The following SPAG17 variants were observed in gnomAD, a reference collection of about 807,000 sequenced individuals.
The protein encoded by SPAG17 is sperm-associated antigen 17.
SPAG17 carries 169 observed loss-of-function variants against 273.6 expected under a neutral mutation model. The ratio of observed to expected loss-of-function variants is 0.62; its 90% CI spans 0.55 to 0.70. The LOEUF is 0.70. Among genes scored for constraint, SPAG17 ranks in the 30% least tolerant of loss-of-function variants. The pLI is 0.00. For synonymous variants in SPAG17, 825 were observed against 873.2 expected, an observed-to-expected ratio of 0.94 and a Z score of 0.97; for missense variants, 2,557 against 2,627.8, an observed-to-expected ratio of 0.97 and a Z score of 0.59.
chr1:117,995,666 T>C (rs979914922), intron 34 of SPAG17, among the ~76,000 whole-genome samples: 5 of 150,342 alleles, frequency 3.3e-5, no homozygotes, highest in Non-Finnish European at 7.4e-5. Flanking sequence ...ACACAAAATG[T>C]ATCCCAAAAC....
At chr1:118,041,742 A>G in intron 21 of SPAG17, 61 bp downstream of exon 21, 1 of 1,557,126 alleles carries the variant, frequency 6.4e-7, no homozygotes. Flanking sequence ...TAATAACCGT[A>G]TTTTCCCAAA....
At chr1:117,954,782 TG>T (rs1651922210) in intron 48 of SPAG17, among the ~76,000 whole-genome samples, 1 of 152,170 alleles carries the variant, frequency 6.6e-6, no homozygotes, top group African/African-American at 2.4e-5. Context: ...TAGGATATTT[TG>T]TATTTCAAAA....
At chr1:118,093,124 C>A (rs1437955557) in intron 8 of SPAG17, 32 bp downstream of exon 8, 1 of 1,576,856 alleles carries the variant, frequency 6.3e-7, no homozygotes, top group South Asian at 1.2e-5. Context: ...GTGAATCATT[C>A]ATCCCACTAA....
intron 10 of SPAG17, among the ~76,000 whole-genome samples, chr1:118,089,073 T>C (rs1238550001): frequency 6.6e-6 from 1 of 151,976 alleles, no homozygotes; most frequent in Non-Finnish European, 1.5e-5. Context: ...AAGAAAAAAA[T>C]AGCTGATCAA....
At chr1:118,130,554 G>A (rs1007410952) in intron 3 of SPAG17, among the ~76,000 whole-genome samples, 2 of 152,074 alleles carry the variant, frequency 1.3e-5, no homozygotes, top group Non-Finnish European at 2.9e-5. Context: ...AGTTCAAGGG[G>A]AGCCATCTCA....
At position 118,051,970 on chromosome 1, in the gene SPAG17, A is replaced by C. The variant is rs1187519606; in HGVS notation, c.2814+2032T>G. ...TGTATACATATATTACATTATGTAC[A>C]TACTACATTATGTATTATGTATGTA... On this transcript the variant is annotated intron_variant, in intron 20 of 48. Transcript: ENST00000336338. 1.4e-5 allele frequency among the ~76,000 whole-genome samples: 2 copies of C among 137,942 alleles called. 1 individual carries two copies. Among genetic ancestry groups the C allele is most frequent in the African/African-American group, 5.3e-5 (2 of 37,802 alleles). 90.5% of individuals were successfully genotyped at this position (137,942 alleles called of 152,430 possible). A position where few individuals can be genotyped will look rare whatever the true frequency, so the allele number is the denominator to read the frequency against.
rs764612137 is a variant in SPAG17 at position 118,073,973 on chromosome 1, A to T, written c.2272-6T>A. The T allele has an allele frequency of 6.5e-7, 1 of 1,535,390 alleles. No individual in the cohort carries two copies. The highest frequency in any genetic ancestry group is 2.5e-5 in the East Asian group (1 of 40,634). ...ACCATCATCTTCTTGGGTTTCTAAAATATCATAGGAACACAATTTCAGCTT... is the reference window on the plus strand; with the variant it reads ...ACCATCATCTTCTTGGGTTTCTAAATTATCATAGGAACACAATTTCAGCTT... On this transcript the variant is annotated splice_polypyrimidine_tract_variant and splice_region_variant and intron_variant, in intron 16 of 48. Transcript: ENST00000336338.
rs1364080018 is a variant in SPAG17 at position 117,985,773 on chromosome 1, G to A, written c.5670-991C>T. Among the ~76,000 whole-genome samples, 17 of 152,090 alleles carry A rather than the reference G, an allele frequency of 1.1e-4. No individual in the cohort carries two copies. The East Asian group carries it at 3.3e-3, about 29-fold the overall frequency. On this transcript the variant is annotated intron_variant, in intron 40 of 48. Coordinates refer to ENST00000336338, the MANE Select transcript of SPAG17 (RefSeq NM_206996.4). ...TTACATTTAATCTTACAATAACCCTGTGAGTTACTATTTTTATCCTCACTT... is the reference window on the plus strand; with the variant it reads ...TTACATTTAATCTTACAATAACCCTATGAGTTACTATTTTTATCCTCACTT...
intron 18 of SPAG17, among the ~76,000 whole-genome samples, chr1:118,056,642 A>T (rs182610968): frequency 3.3e-4 from 51 of 152,326 alleles, no homozygotes; most frequent in African/African-American, 1.2e-3. Context: ...AAAATTGGTT[A>T]TTGTCAAATT....
At chr1:118,132,680 C>A (rs1658118086) in intron 3 of SPAG17, among the ~76,000 whole-genome samples, 1 of 152,218 alleles carries the variant, frequency 6.6e-6, no homozygotes, top group Non-Finnish European at 1.5e-5. Context: ...TAGACAGAGG[C>A]TGTAAGACAA....
At position 118,126,246 on chromosome 1, in the gene SPAG17, C is replaced by T. The variant is rs1174405044; in HGVS notation, c.316-10805G>A. ...TTTGAGACAGAGTCTCGCTCTGTTG[C>T]CCAGGCTGGAGTGCAGTGGCGCGAT... On this transcript the variant is annotated intron_variant, in intron 3 of 48. Transcript: ENST00000336338. Among the ~76,000 whole-genome samples, 3 of 135,834 alleles carry T rather than the reference C, an allele frequency of 2.2e-5. No individual in the cohort carries two copies. The East Asian group carries it at 6.4e-4, about 29-fold the overall frequency. The allele number at this position is 135,834 out of a possible 152,430, so 89.1% of individuals were successfully genotyped here.
At chr1:117,955,266 TA>T in intron 48 of SPAG17, 1 of 1,537,046 alleles carries the variant, frequency 6.5e-7, no homozygotes, top group Non-Finnish European at 8.9e-7. Flanking sequence ...AGAACTTTAG[TA>T]GAAACCAACC....
At chr1:118,072,677 A>G (rs1653720329) in intron 17 of SPAG17, among the ~76,000 whole-genome samples, 1 of 152,224 alleles carries the variant, frequency 6.6e-6, no homozygotes, top group African/African-American at 2.4e-5. Flanking sequence ...AGAATACCAC[A>G]CAGTTCAGCT....
intron 35 of SPAG17, among the ~76,000 whole-genome samples, chr1:117,994,068 A>G (rs1269890877): frequency 6.6e-6 from 1 of 152,186 alleles, no homozygotes; most frequent in African/African-American, 2.4e-5. Flanking sequence ...TGATAGAAGG[A>G]AAGATTTCTG....
At chr1:118,105,567 A>C (rs926959129) in intron 4 of SPAG17, among the ~76,000 whole-genome samples, 2 of 152,176 alleles carry the variant, frequency 1.3e-5, no homozygotes, top group Non-Finnish European at 2.9e-5. Context: ...TAAGCCAAAC[A>C]AATAGCAGGA....
chr1:118,088,078 C>T (rs1655124458), intron 10 of SPAG17, among the ~76,000 whole-genome samples: 1 of 152,222 alleles, frequency 6.6e-6, no homozygotes, highest in Non-Finnish European at 1.5e-5. Flanking sequence ...GAGTCACTCA[C>T]TGTTTCCACT....
intron 48 of SPAG17, 26 bp from the exon 49 acceptor site, chr1:117,954,075 C>CATTT: frequency 6.2e-7 from 1 of 1,611,858 alleles, no homozygotes. Context: ...AACACAAAGC[C>CATTT]ATTTGTAAAG....
intron 48 of SPAG17, chr1:117,961,639 A>G (rs1031993274): frequency 2.0e-5 from 3 of 152,184 alleles, no homozygotes; most frequent in Non-Finnish European, 4.4e-5. Context: ...TTCTAGGCTC[A>G]GATATGCAGT....
At chr1:118,036,368 T>C (rs1649072360) in intron 24 of SPAG17, among the ~76,000 whole-genome samples, 1 of 152,082 alleles carries the variant, frequency 6.6e-6, no homozygotes, top group Admixed American at 6.6e-5. Context: ...CTTGGCAATT[T>C]ATGCTTTCTT....
Sources: allele counts gnomAD v4.1 joint callset (sites outside exome capture counted in the v4.1 genomes callset), GRCh38; gene constraint gnomAD v4.1.1; transcripts MANE v1.5; gene names NCBI Gene and HGNC (gene_info 2026-07-23, HGNC 2026-07-21).